FGF12: variants seen among roughly 807,000 people sequenced by gnomAD.
The protein encoded by FGF12 is fibroblast growth factor 12.
A neutral mutation model predicts 23.6 loss-of-function variants in FGF12; 14 were observed. The observed-to-expected ratio is 0.59, with a 90% CI of 0.39 to 0.93. The LOEUF is 0.93. Among genes scored for constraint, FGF12 ranks in the 40% least tolerant of loss-of-function variants. The pLI is 0.00. For missense variants in FGF12, 175 were observed against 217.8 expected, an observed-to-expected ratio of 0.80 and a Z score of 1.24; for synonymous variants, 62 against 77.3, an observed-to-expected ratio of 0.80 and a Z score of 1.04.
rs181454408 is a variant in FGF12 at position 192,400,666 on chromosome 3, C to T, written c.14-40128G>A. Among the ~76,000 whole-genome samples the T allele has an allele frequency of 1.5e-3, 221 of 152,164 alleles. 2 individuals are homozygous for T. The highest frequency in any genetic ancestry group is 5.1e-3 in the African/African-American group (211 of 41,516). On this transcript the variant is annotated intron_variant, in intron 2 of 5. Transcript: ENST00000445105. ...ATGGGTGTGAACCACCGCACCCCGT[C>T]CCCACCTTCACATTCTATAGTGTTT...
At chr3:192,595,258 C>T (rs1202637352) in intron 2 of FGF12, among the ~76,000 whole-genome samples, 1 of 152,154 alleles carries the variant, frequency 6.6e-6, no homozygotes, top group Admixed American at 6.5e-5. Flanking sequence ...GACAGTCATG[C>T]TTTCTTTCAG....
At chr3:192,599,486 T>C (rs959528698) in intron 2 of FGF12, among the ~76,000 whole-genome samples, 1 of 152,058 alleles carries the variant, frequency 6.6e-6, no homozygotes, top group Non-Finnish European at 1.5e-5. Context: ...AATAAAATAA[T>C]GCACTTAGAA....
Position 192,611,633 on chromosome 3 carries a change from T to G in FGF12, c.13+115548A>C, listed in dbSNP as rs561606297. Among the ~76,000 whole-genome samples, 5 of 152,092 alleles carry G rather than the reference T, an allele frequency of 3.3e-5. No individual in the cohort carries two copies. The South Asian group carries it at 8.3e-4, about 25-fold the overall frequency. ...CCAAACCACTGCCTGGGACCTGGTT[T>G]CAGAAAGAAGAACAGAGGAATTCTT... On this transcript the variant is annotated intron_variant, in intron 2 of 5. Coordinates refer to ENST00000445105, the MANE Select transcript of FGF12 (RefSeq NM_004113.6).
At chr3:192,226,634 G>T (rs1429082215) in intron 4 of FGF12, among the ~76,000 whole-genome samples, 2 of 152,116 alleles carry the variant, frequency 1.3e-5, no homozygotes, top group Non-Finnish European at 2.9e-5. Flanking sequence ...TGGAACCTTT[G>T]CAAGGTGATT....
At chr3:192,240,969 G>C (rs1010925795) in intron 4 of FGF12, among the ~76,000 whole-genome samples, 2 of 152,094 alleles carry the variant, frequency 1.3e-5, no homozygotes, top group Non-Finnish European at 2.9e-5. Flanking sequence ...GCTGACCTTA[G>C]ATATCTACAC....
intron 2 of FGF12, among the ~76,000 whole-genome samples, chr3:192,377,360 C>T (rs778740751): frequency 2.0e-5 from 3 of 152,164 alleles, no homozygotes; most frequent in East Asian, 1.9e-4. Context: ...CTGCTCATCT[C>T]GATAAATATA....
At chr3:192,497,432 A>G (rs1723990673) in intron 2 of FGF12, among the ~76,000 whole-genome samples, 2 of 152,228 alleles carry the variant, frequency 1.3e-5, no homozygotes, top group Non-Finnish European at 2.9e-5. Flanking sequence ...GTCTGTTTTC[A>G]TAGTGCAGAC....
At chr3:192,427,441 G>T (rs1721724682) in intron 2 of FGF12, among the ~76,000 whole-genome samples, 1 of 151,592 alleles carries the variant, frequency 6.6e-6, no homozygotes, top group Non-Finnish European at 1.5e-5. Context: ...TTCTCATGAT[G>T]TACGTAGTAG....
chr3:192,195,714 G>C (rs896006628), intron 4 of FGF12, among the ~76,000 whole-genome samples: 6 of 152,104 alleles, frequency 3.9e-5, no homozygotes, highest in African/African-American at 1.4e-4. Context: ...TTCACAATGT[G>C]TGTGTGTATA....
intron 3 of FGF12, among the ~76,000 whole-genome samples, chr3:192,351,334 A>G (rs368344940): frequency 2.0e-5 from 3 of 152,320 alleles, no homozygotes; most frequent in East Asian, 3.9e-4. Flanking sequence ...TGGGACTTAA[A>G]TAAGTTCACT....
intron 2 of FGF12, among the ~76,000 whole-genome samples, chr3:192,476,037 C>T: frequency 6.6e-6 from 1 of 152,068 alleles, no homozygotes; most frequent in East Asian, 1.9e-4. Flanking sequence ...ATGAACTTCC[C>T]AAACCATCAT....
intron 2 of FGF12, among the ~76,000 whole-genome samples, chr3:192,442,251 T>C (rs1201627958): frequency 6.6e-6 from 1 of 152,224 alleles, no homozygotes; most frequent in Admixed American, 6.5e-5. Flanking sequence ...ATTGGGCTGA[T>C]ATATATCCAG....
At chr3:192,635,919 C>G (rs939083557) in intron 2 of FGF12, among the ~76,000 whole-genome samples, 4 of 152,158 alleles carry the variant, frequency 2.6e-5, no homozygotes, top group Admixed American at 6.5e-5. Context: ...TTGATGATGT[C>G]TGTATCAAAG....
chr3:192,167,115 T>C (rs1715203519), intron 5 of FGF12, among the ~76,000 whole-genome samples: 1 of 149,686 alleles, frequency 6.7e-6, no homozygotes, highest in Non-Finnish European at 1.5e-5. Flanking sequence ...TCAATACCCA[T>C]TGTGCCATAA....
At chr3:192,625,564 G>C (rs1432017412) in intron 2 of FGF12, among the ~76,000 whole-genome samples, 1 of 152,038 alleles carries the variant, frequency 6.6e-6, no homozygotes, top group Non-Finnish European at 1.5e-5. Flanking sequence ...AGAAACATTA[G>C]TGTCAAACAC....
chr3:192,379,597 G>A (rs578090778), intron 2 of FGF12, among the ~76,000 whole-genome samples: 9 of 152,318 alleles, frequency 5.9e-5, no homozygotes, highest in African/African-American at 1.7e-4. Context: ...TTCCCAGAAT[G>A]ACATCGAAAT....
In FGF12 at chr3:192,634,233, G is replaced by A. The variant is rs536569427; in HGVS notation, c.13+92948C>T. Among the ~76,000 whole-genome samples, 8 of 151,582 alleles carry A rather than the reference G, an allele frequency of 5.3e-5. No individual in the cohort carries two copies. In the South Asian group the frequency reaches 1.7e-3, roughly 32 times the overall value. ...TATACACATGCGCACATACACGTACGTCCAGTCAGCCCTCATATTCATGGG... is the reference window on the plus strand; with the variant it reads ...TATACACATGCGCACATACACGTACATCCAGTCAGCCCTCATATTCATGGG... On this transcript the variant is annotated intron_variant, in intron 2 of 5. Transcript: ENST00000445105.
intron 5 of FGF12, among the ~76,000 whole-genome samples, chr3:192,153,961 G>A (rs1172097612): frequency 2.1e-5 from 1 of 47,730 alleles, no homozygotes; most frequent in East Asian, 5.3e-4. Flanking sequence ...CCAATCAGAC[G>A]TAGATTTGGT....
At chr3:192,396,560 A>C (rs1405912826) in intron 2 of FGF12, among the ~76,000 whole-genome samples, 1 of 152,152 alleles carries the variant, frequency 6.6e-6, no homozygotes, top group African/African-American at 2.4e-5. Flanking sequence ...TATGAGTCTT[A>C]TTTCTTTCTT....
Sources: gnomAD v4.1 joint callset for allele counts (sites outside exome capture counted in the v4.1 genomes callset) on GRCh38, gnomAD v4.1.1 for gene constraint, MANE v1.5 for transcripts, NCBI Gene and HGNC (gene_info 2026-07-23, HGNC 2026-07-21) for gene names.